Variants in NDST4 observed in about 807,000 individuals in gnomAD.
The protein encoded by NDST4 is N-deacetylase and N-sulfotransferase 4.
Under a neutral mutation model 100.8 loss-of-function variants are expected in NDST4, and 63 were observed. The ratio of observed to expected loss-of-function variants is 0.62; its 90% CI spans 0.51 to 0.77. The LOEUF (loss-of-function observed/expected upper bound fraction) is 0.77. Among genes scored for constraint, NDST4 ranks in the 30% least tolerant of loss-of-function variants. The pLI is 0.00. For missense variants in NDST4, 943 were observed against 1,018.4 expected, an observed-to-expected ratio of 0.93 and a Z score of 1.01; for synonymous variants, 377 against 361.8, an observed-to-expected ratio of 1.04 and a Z score of -0.48.
chr4:115,103,945 A>C (rs1328940933), intron 1 of NDST4, among the ~76,000 whole-genome samples: 1 of 152,158 alleles, frequency 6.6e-6, no homozygotes, highest in African/African-American at 2.4e-5. Context: ...TCCTATTTTA[A>C]TACTTGATGA....
At chr4:114,891,470 A>G (rs1394072870) in intron 6 of NDST4, among the ~76,000 whole-genome samples, 1 of 152,060 alleles carries the variant, frequency 6.6e-6, no homozygotes, top group Non-Finnish European at 1.5e-5. Context: ...CCAGTTCAGA[A>G]TCTTTGTTTT....
chr4:115,025,707 GA>G (rs1393816598), intron 2 of NDST4, among the ~76,000 whole-genome samples: 3 of 152,060 alleles, frequency 2.0e-5, no homozygotes, highest in Admixed American at 1.3e-4. Context: ...ACACTAAATG[GA>G]ATAGAAGTTA....
At chr4:115,003,633 A>G (rs2126256953) in intron 2 of NDST4, among the ~76,000 whole-genome samples, 1 of 152,234 alleles carries the variant, frequency 6.6e-6, no homozygotes, top group South Asian at 2.1e-4. Context: ...TTTTGGAGGC[A>G]GAGGCAGACA....
chr4:115,058,469 C>T (rs10049937), intron 2 of NDST4, among the ~76,000 whole-genome samples: 7,282 of 152,120 alleles, frequency 0.048, 605 homozygotes, highest in African/African-American at 0.17. Context: ...AGCTAAATAT[C>T]CTAGCATGAT....
intron 1 of NDST4, among the ~76,000 whole-genome samples, chr4:115,102,929 A>T (rs770806912): frequency 1.1e-4 from 17 of 151,876 alleles, no homozygotes; most frequent in Non-Finnish European, 1.9e-4. Context: ...GCTGGTCTGG[A>T]ACTCTTGATC....
intron 8 of NDST4, among the ~76,000 whole-genome samples, chr4:114,849,667 C>T (rs375511376): frequency 2.2e-4 from 33 of 152,164 alleles, no homozygotes; most frequent in African/African-American, 7.7e-4. Context: ...TAGAATGAAA[C>T]ACTGTGTGCG....
At chr4:114,940,219 T>C (rs1725719225) in intron 4 of NDST4, among the ~76,000 whole-genome samples, 2 of 152,218 alleles carry the variant, frequency 1.3e-5, no homozygotes, top group Non-Finnish European at 2.9e-5. Flanking sequence ...TAAGACATGA[T>C]ACCACAAATA....
At chr4:114,981,216 T>TGGAAGGAAGGAAGGAAGGAA (rs61595600) in intron 2 of NDST4, among the ~76,000 whole-genome samples, 1 of 137,044 alleles carries the variant, frequency 7.3e-6, no homozygotes, top group African/African-American at 2.7e-5. Flanking sequence ...GAAGAAAGGA[T>TGGAAGGAAGGAAGGAAGGAA]GGAAGGAAGG....
At chr4:115,084,723 A>C (rs1729373882) in intron 1 of NDST4, among the ~76,000 whole-genome samples, 1 of 152,228 alleles carries the variant, frequency 6.6e-6, no homozygotes, top group Non-Finnish European at 1.5e-5. Context: ...GTTGGCACAC[A>C]GAAATCAAGA....
intron 4 of NDST4, among the ~76,000 whole-genome samples, chr4:114,946,731 C>T (rs977904042): frequency 6.6e-6 from 1 of 152,254 alleles, no homozygotes; most frequent in Non-Finnish European, 1.5e-5. Context: ...CTCCAGGGGG[C>T]ACCGTTCACA....
rs774697490 is a variant in NDST4 at position 114,827,814 on chromosome 4, T to C, written c.*2A>G. Reference sequence around the variant, plus strand: ...TGAGAGGCTTAGTTCTTGTCTCCAGTGCTATCTCACTTTCTGCAGTTCCTG... The same window carrying C: ...TGAGAGGCTTAGTTCTTGTCTCCAGCGCTATCTCACTTTCTGCAGTTCCTG... On this transcript the variant is annotated 3_prime_UTR_variant, in exon 14 of 14. Transcript: ENST00000264363. 1.9e-6 allele frequency: 3 copies of C among 1,610,754 alleles called. No homozygotes were observed. Among genetic ancestry groups the C allele is most frequent in the African/African-American group, 1.3e-5 (1 of 74,514 alleles).
intron 2 of NDST4, among the ~76,000 whole-genome samples, chr4:115,074,831 A>C (rs1368837322): frequency 1.3e-5 from 2 of 152,140 alleles, no homozygotes; most frequent in African/African-American, 4.8e-5. Flanking sequence ...AACGTCGATA[A>C]CATCTTAACA....
chr4:115,093,277 T>C (rs475646), intron 1 of NDST4, among the ~76,000 whole-genome samples: 116,282 of 151,952 alleles, frequency 0.77, 45,234 homozygotes, highest in African/African-American at 0.9. Flanking sequence ...AGATCGAGAC[T>C]ATCCTGGCTA....
At chr4:114,862,696 C>A (rs1723943281) in intron 7 of NDST4, among the ~76,000 whole-genome samples, 1 of 151,984 alleles carries the variant, frequency 6.6e-6, no homozygotes, top group Non-Finnish European at 1.5e-5. Context: ...CAGAAATAAG[C>A]AGATTTAATA....
At chr4:115,020,780 G>T (rs1481351909) in intron 2 of NDST4, among the ~76,000 whole-genome samples, 1 of 151,986 alleles carries the variant, frequency 6.6e-6, no homozygotes, top group Non-Finnish European at 1.5e-5. Context: ...CCCAAAAGAA[G>T]ATATACAAAT....
At chr4:114,946,057 C>A (rs1441639) in intron 4 of NDST4, among the ~76,000 whole-genome samples, 5 of 151,994 alleles carry the variant, frequency 3.3e-5, no homozygotes, top group African/African-American at 1.2e-4. Flanking sequence ...AATTGAGACA[C>A]ATCCTTTTAA....
At chr4:114,943,282 A>G (rs1480141232) in intron 4 of NDST4, among the ~76,000 whole-genome samples, 4 of 151,732 alleles carry the variant, frequency 2.6e-5, no homozygotes, top group Non-Finnish European at 2.9e-5. Flanking sequence ...TTTAAATAGT[A>G]TATTTACACT....
At chr4:115,055,749 T>C (rs1036194344) in intron 2 of NDST4, among the ~76,000 whole-genome samples, 1 of 152,026 alleles carries the variant, frequency 6.6e-6, no homozygotes, top group Non-Finnish European at 1.5e-5. Context: ...AATAGAGGGA[T>C]GATAGATAAA....
chr4:115,045,769 T>C (rs768909628), intron 2 of NDST4, among the ~76,000 whole-genome samples: 1 of 152,102 alleles, frequency 6.6e-6, no homozygotes, highest in African/African-American at 2.4e-5. Context: ...GGTGGGAATA[T>C]AATAGCAAGT....
Sources: gnomAD v4.1 joint callset for allele counts (sites outside exome capture counted in the v4.1 genomes callset) on GRCh38, gnomAD v4.1.1 for gene constraint, MANE v1.5 for transcripts, NCBI Gene and HGNC (gene_info 2026-07-23, HGNC 2026-07-21) for gene names.